Variants in YES1 observed in about 807,000 individuals in gnomAD.
YES1 encodes tyrosine-protein kinase Yes.
YES1 carries 39 observed loss-of-function variants against 70.4 expected under a neutral mutation model. The observed-to-expected ratio is 0.55, with a 90% CI of 0.43 to 0.72. The LOEUF (loss-of-function observed/expected upper bound fraction) is 0.72, where lower values mean the gene tolerates loss of function less well. Ranked by LOEUF, YES1 falls within the 30% of genes least tolerant of loss-of-function variation. YES1 has a pLI of 0.00. For missense variants in YES1, 495 were observed against 644.8 expected (o/e 0.77, Z 2.52); for synonymous variants, 198 against 218.6 (o/e 0.91, Z 0.83).
chr18:771,706 G>A (rs1250907859), intron 1 of YES1, among the ~76,000 whole-genome samples: 1 of 152,058 alleles, frequency 6.6e-6, no homozygotes, highest in Non-Finnish European at 1.5e-5. Context: ...AGGCCATGAT[G>A]CCTGGCTAAT....
rs2079992495 is a variant in YES1 at position 724,337 on chromosome 18, A to C, written c.*87T>G. 7.8e-7 allele frequency: 1 copy of C among 1,285,144 alleles called. No homozygotes were observed. The highest frequency in any genetic ancestry group is 1.1e-6 in the Non-Finnish European group (1 of 926,648). The allele number at this position is 1,285,144 out of a possible 1,614,324, so 79.6% of individuals were successfully genotyped here. On this transcript the variant is annotated 3_prime_UTR_variant, in exon 12 of 12. Coordinates refer to ENST00000314574, the MANE Select transcript of YES1 (RefSeq NM_005433.4). ...CCATTAAAAACATGCAGAGTAAAGA[A>C]GATTTTCTTCTTTTGATTCCTGTAG...
intron 1 of YES1, among the ~76,000 whole-genome samples, chr18:760,813 G>A (rs562488732): frequency 2.0e-5 from 3 of 152,134 alleles, no homozygotes; most frequent in Non-Finnish European, 4.4e-5. Context: ...GGCAGGGGTG[G>A]GGACAGAAGT....
intron 9 of YES1, chr18:737,329 TG>T: frequency 1.3e-5 from 2 of 158,192 alleles, no homozygotes; most frequent in Non-Finnish European, 2.8e-5. Flanking sequence ...GGCACATACC[TG>T]TAGTCCCAGC....
chr18:728,096 G>A (rs897533872), intron 11 of YES1, among the ~76,000 whole-genome samples: 3 of 152,146 alleles, frequency 2.0e-5, no homozygotes, highest in Non-Finnish European at 4.4e-5. Context: ...GGCACTTTGG[G>A]AGGACAGGGC....
intron 1 of YES1, among the ~76,000 whole-genome samples, chr18:807,893 C>G (rs1310711862): frequency 2.0e-5 from 3 of 152,156 alleles, no homozygotes; most frequent in African/African-American, 4.8e-5. Flanking sequence ...TTCTAAGAAT[C>G]ACAGCTTAAA....
chr18:786,852 C>A (rs1905973686), intron 1 of YES1, among the ~76,000 whole-genome samples: 1 of 151,942 alleles, frequency 6.6e-6, no homozygotes, highest in Non-Finnish European at 1.5e-5. Flanking sequence ...TATACGGCAT[C>A]TTTGAACAGA....
chr18:787,078 G>GTT (rs1438789243), intron 1 of YES1, among the ~76,000 whole-genome samples: 1 of 58,444 alleles, frequency 1.7e-5, no homozygotes, highest in Non-Finnish European at 3.3e-5. Context: ...GATACATACT[G>GTT]TCTTTTTTTT....
At position 736,861 on chromosome 18, in the gene YES1, G is replaced by A; in HGVS notation, c.1238C>T (p.Ala413Val). Reference sequence around the variant, plus strand: ...AATTAACCTTGCTAAACCAAAGTCTGCTATTTTGCACACAAGATTTTCTCC... The same window carrying A: ...AATTAACCTTGCTAAACCAAAGTCTACTATTTTGCACACAAGATTTTCTCC... ...LVGENLVCKI[A>V]DFGLARLIED... is the part of the protein sequence containing the mutation. The change falls in exon 10 of 12, where the codon GCA becomes GTA. Residue 413 changes from alanine to valine, a missense_variant. By Grantham distance (64) the Ala-to-Val change is moderately conservative. Transcript: ENST00000314574. The A allele has an allele frequency of 6.2e-7, 1 of 1,612,378 alleles. No individual in the cohort carries two copies. The highest frequency in any genetic ancestry group is 2.2e-5 in the East Asian group (1 of 44,822).
intron 2 of YES1, among the ~76,000 whole-genome samples, chr18:753,618 T>C (rs1279778502): frequency 6.6e-6 from 1 of 152,142 alleles, no homozygotes; most frequent in African/African-American, 2.4e-5. Context: ...CCTGAGTAGC[T>C]GGGATTACAG....
chr18:740,221 C>T (rs548508417), intron 8 of YES1, among the ~76,000 whole-genome samples: 1 of 152,294 alleles, frequency 6.6e-6, no homozygotes, highest in East Asian at 1.9e-4. Flanking sequence ...TGTGGAACTA[C>T]TGCTGTGACC....
At chr18:768,358 A>G (rs562231731) in intron 1 of YES1, among the ~76,000 whole-genome samples, 1 of 152,338 alleles carries the variant, frequency 6.6e-6, no homozygotes, top group African/African-American at 2.4e-5. Context: ...CTATAGATCA[A>G]TCTGGGGAGA....
chr18:757,480 G>A (rs2145743269), intron 1 of YES1, among the ~76,000 whole-genome samples: 1 of 147,700 alleles, frequency 6.8e-6, no homozygotes, highest in Non-Finnish European at 1.5e-5. Context: ...TCCAGCCTGG[G>A]CGACAGAGCG....
At chr18:796,541 G>A (rs544150012) in intron 1 of YES1, among the ~76,000 whole-genome samples, 16 of 152,212 alleles carry the variant, frequency 1.1e-4, no homozygotes, top group African/African-American at 3.1e-4. Flanking sequence ...AGACCGAGGC[G>A]GGCAGATCAC....
chr18:760,497 C>T (rs1904535447), intron 1 of YES1, among the ~76,000 whole-genome samples: 2 of 151,906 alleles, frequency 1.3e-5, no homozygotes, highest in Non-Finnish European at 2.9e-5. Flanking sequence ...ACAACAACAA[C>T]AACAAAAACC....
intron 1 of YES1, among the ~76,000 whole-genome samples, chr18:771,772 G>A (rs1398420005): frequency 6.6e-6 from 1 of 151,394 alleles, no homozygotes; most frequent in Admixed American, 6.6e-5. Flanking sequence ...CTGGGCACAG[G>A]GATCCCCACA....
chr18:781,714 C>T (rs1568212281), intron 1 of YES1, among the ~76,000 whole-genome samples: 1 of 152,136 alleles, frequency 6.6e-6, no homozygotes, highest in African/African-American at 2.4e-5. Flanking sequence ...CACTTATTAG[C>T]TACTGTGATC....
Position 723,272 on chromosome 18 carries a change from A to G in YES1, c.*1152T>C, listed in dbSNP as rs1039355348. 1 of 152,564 alleles carries G rather than the reference A, an allele frequency of 6.6e-6. No homozygotes were observed. Among genetic ancestry groups the G allele is most frequent in the Non-Finnish European group, 1.5e-5 (1 of 68,032 alleles). The allele number at this position is 152,564 out of a possible 1,614,324, so 9.5% of individuals were successfully genotyped here. On this transcript the variant is annotated 3_prime_UTR_variant, in exon 12 of 12. Coordinates refer to ENST00000314574, the MANE Select transcript of YES1 (RefSeq NM_005433.4). The stretch of plus-strand genomic sequence containing the variant: ...ATTAGTTTTATAGTTATACTTTATA[A>G]CTCTTCAAAGTCTCAGAATATAGCT...
intron 1 of YES1, among the ~76,000 whole-genome samples, chr18:789,260 C>T (rs1320223424): frequency 6.6e-6 from 1 of 152,038 alleles, no homozygotes; most frequent in African/African-American, 2.4e-5. Flanking sequence ...ACACTTATGT[C>T]AAAGAGAGAA....
intron 2 of YES1, 151 bp from the exon 3 acceptor site, chr18:751,955 A>G (rs1043548151): frequency 3.2e-6 from 2 of 626,762 alleles, no homozygotes; most frequent in Admixed American, 5.9e-5. Flanking sequence ...ACTACTGAAG[A>G]ATTTTAAAGT....
Sources: gnomAD v4.1 joint callset for allele counts (sites outside exome capture counted in the v4.1 genomes callset) on GRCh38, gnomAD v4.1.1 for gene constraint, MANE v1.5 for transcripts, NCBI Gene and HGNC (gene_info 2026-07-23, HGNC 2026-07-21) for gene names.